The following CISD3 variants were observed in gnomAD, a reference collection of about 807,000 sequenced individuals.
CISD3 encodes CDGSH iron-sulfur domain-containing protein 3, mitochondrial.
In CISD3, 11 loss-of-function variants were observed where a neutral mutation model predicts 14.1. The observed-to-expected ratio is 0.78, with a 90% CI of 0.49 to 1.29. The LOEUF (loss-of-function observed/expected upper bound fraction) is 1.29, where lower values mean the gene tolerates loss of function less well. Ranked by LOEUF, CISD3 falls within the 50% of genes most tolerant of loss-of-function variation. The probability of loss-of-function intolerance (pLI) is 0.00; values close to 1 mark genes in which losing one functional copy is unlikely to be tolerated. For missense variants in CISD3, 156 were observed against 171.6 expected, an observed-to-expected ratio of 0.91 and a Z score of 0.51; for synonymous variants, 53 against 69.2, an observed-to-expected ratio of 0.77 and a Z score of 1.16.
intron 2 of CISD3, chr17:38,731,076 C>T: frequency 1.5e-6 from 1 of 647,952 alleles, no homozygotes; most frequent in South Asian, 2.0e-5. Flanking sequence ...TGGGAGCCAG[C>T]GTTTGAGGGA....
chr17:38,730,679 G>A, intron 1 of CISD3, 81 bp from the exon 2 acceptor site: 3 of 1,420,030 alleles, frequency 2.1e-6, no homozygotes, highest in Admixed American at 2.0e-5. Flanking sequence ...GGCCTCCCGT[G>A]TCCTTCCCTT....
chr17:38,730,934 C>T (rs530375057), intron 2 of CISD3, 139 bp downstream of exon 2: 23 of 941,950 alleles, frequency 2.4e-5, no homozygotes, highest in Non-Finnish European at 2.8e-5. Context: ...GGAGGTGGGG[C>T]GGACCAGAGG....
Position 38,733,487 on chromosome 17 carries a change from T to G in CISD3, c.*32T>G, listed in dbSNP as rs1380161033. Reference sequence around the variant, plus strand: ...TGCTGCTGTCCAGCCACAGGTGGCCTTGGCTCCAGGCCTCTGACAGGCACC... The same window carrying G: ...TGCTGCTGTCCAGCCACAGGTGGCCGTGGCTCCAGGCCTCTGACAGGCACC... On this transcript the variant is annotated 3_prime_UTR_variant, in exon 4 of 4. Coordinates refer to ENST00000613478, the MANE Select transcript of CISD3 (RefSeq NM_001136498.2). 2 of 1,490,390 alleles carry G rather than the reference T, an allele frequency of 1.3e-6. No homozygotes were observed. Among genetic ancestry groups the G allele is most frequent in the Non-Finnish European group, 1.8e-6 (2 of 1,115,652 alleles). 92.3% of individuals were successfully genotyped at this position (1,490,390 alleles called of 1,614,324 possible).
At position 38,734,527 on chromosome 17, in the gene CISD3, GAAAA is replaced by G. The variant is rs5820265; in HGVS notation, c.*1082_*1085del. On this transcript the variant is annotated 3_prime_UTR_variant, in exon 4 of 4. Coordinates refer to ENST00000613478, the MANE Select transcript of CISD3 (RefSeq NM_001136498.2). ...AATGATGCAAAGGCCACACACACAGGAAAAAAAAAAAAAGAGGCAGAACTATCTA... is the reference window on the plus strand; with the variant it reads ...AATGATGCAAAGGCCACACACACAGGAAAAAAAAAGAGGCAGAACTATCTA... The G allele has an allele frequency of 2.1e-5, 3 of 144,278 alleles. No individual in the cohort carries two copies. The highest frequency in any genetic ancestry group is 2.5e-5 in the African/African-American group (1 of 39,230). The allele number at this position is 144,278 out of a possible 1,614,324, so 8.9% of individuals were successfully genotyped here.
At chr17:38,730,633 C>T (rs1253418128) in intron 1 of CISD3, 127 bp from the exon 2 acceptor site, 3 of 974,214 alleles carry the variant, frequency 3.1e-6, no homozygotes, top group Non-Finnish European at 4.8e-6. Flanking sequence ...ATTCCTCCCT[C>T]GCCCCTTCAG....
At chr17:38,730,832 AC>A in intron 2 of CISD3, 37 bp downstream of exon 2, 1 of 1,540,454 alleles carries the variant, frequency 6.5e-7, no homozygotes, top group South Asian at 1.2e-5. Context: ...CTCGCACAAG[AC>A]CCCCAGGCAC....
rs772678561 is a variant in CISD3 at position 38,734,288 on chromosome 17, C to T, written c.*833C>T. The T allele has an allele frequency of 5.5e-4, 84 of 152,692 alleles. No individual in the cohort carries two copies. The highest frequency in any genetic ancestry group is 1.5e-5 in the Non-Finnish European group (1 of 68,200). The allele number at this position is 152,692 out of a possible 1,614,324, so 9.5% of individuals were successfully genotyped here. ...GAGGGGCAATTGGAAGGCTGTTTGCCTCTGGCAAAGTCTGGGATCTGTGCT... is the reference window on the plus strand; with the variant it reads ...GAGGGGCAATTGGAAGGCTGTTTGCTTCTGGCAAAGTCTGGGATCTGTGCT... On this transcript the variant is annotated 3_prime_UTR_variant, in exon 4 of 4. Coordinates refer to ENST00000613478, the MANE Select transcript of CISD3 (RefSeq NM_001136498.2).
Position 38,735,366 on chromosome 17 carries a change from T to C in CISD3, c.*1911T>C, listed in dbSNP as rs775970031. On this transcript the variant is annotated 3_prime_UTR_variant, in exon 4 of 4. Transcript: ENST00000613478. ...GCTGTCGAAGGGGGAGTGGGGGAGG[T>C]AGGGTGGGTGGCTGGAGGCCCATGG... is the stretch of plus-strand genomic sequence containing the variant. 1 of 1,543,508 alleles carries C rather than the reference T, an allele frequency of 6.5e-7. No individual in the cohort carries two copies.
In CISD3 at chr17:38,735,530, G is replaced by T. The variant is rs1172849279; in HGVS notation, c.*2075G>T. On this transcript the variant is annotated 3_prime_UTR_variant, in exon 4 of 4. Transcript: ENST00000613478. Reference sequence around the variant, plus strand: ...GCTGGTGTTGGTGCCCTCGGAGGGGGTGGGCACCGTGGCTAGGGTGAGCCG... The same window carrying T: ...GCTGGTGTTGGTGCCCTCGGAGGGGTTGGGCACCGTGGCTAGGGTGAGCCG... The T allele has an allele frequency of 6.3e-7, 1 of 1,589,328 alleles. No individual in the cohort carries two copies. The highest frequency in any genetic ancestry group is 8.6e-7 in the Non-Finnish European group (1 of 1,167,922).
At chr17:38,731,654 G>A in intron 3 of CISD3, 1 of 591,858 alleles carries the variant, frequency 1.7e-6, no homozygotes, top group South Asian at 2.2e-5. Flanking sequence ...CAGTCACGCA[G>A]CCAGCCTGGT....
chr17:38,730,702 A>T (rs1318402424), intron 1 of CISD3, 58 bp from the exon 2 acceptor site: 2 of 1,533,752 alleles, frequency 1.3e-6, no homozygotes, highest in African/African-American at 2.8e-5. Context: ...CACTGATTTT[A>T]TTTTTCCGTT....
chr17:38,731,026 A>G, intron 2 of CISD3: 3 of 633,650 alleles, frequency 4.7e-6, no homozygotes, highest in African/African-American at 1.8e-5. Flanking sequence ...GCCCTGCCGT[A>G]GGCTGGAAGG....
rs1329545742 is a variant in CISD3, at chr17:38,733,981, A to C, written c.*526A>C. ...GGTACAGTCACAGGACCTCAGACAC[A>C]GGACAAGGTGCAAACACAGACAAGC... is the stretch of plus-strand genomic sequence containing the variant. On this transcript the variant is annotated 3_prime_UTR_variant, in exon 4 of 4. Coordinates refer to ENST00000613478, the MANE Select transcript of CISD3 (RefSeq NM_001136498.2). 2 of 153,576 alleles carry C rather than the reference A, an allele frequency of 1.3e-5. No individual in the cohort carries two copies. The highest frequency in any genetic ancestry group is 3.8e-4 in the East Asian group (2 of 5,214). The allele number at this position is 153,576 out of a possible 1,614,324, so 9.5% of individuals were successfully genotyped here.
Position 38,730,959 on chromosome 17 carries a change from GC to G in CISD3, c.84+166del, listed in dbSNP as rs1906306984. ...CGGACCAGAGGGCACTGGGCAGGGCGCCAGTCTTCTGTACTGAGGACAGCAG... is the reference window on the plus strand; with the variant it reads ...CGGACCAGAGGGCACTGGGCAGGGCGCAGTCTTCTGTACTGAGGACAGCAG... On this transcript the variant is annotated intron_variant, in intron 2 of 3. Coordinates refer to ENST00000613478, the MANE Select transcript of CISD3 (RefSeq NM_001136498.2). 3 of 715,088 alleles carry G rather than the reference GC, an allele frequency of 4.2e-6. No individual in the cohort carries two copies. The South Asian group carries it at 5.4e-5, about 13-fold the overall frequency. The allele number at this position is 715,088 out of a possible 1,614,324, so 44.3% of individuals were successfully genotyped here. A position where few individuals can be genotyped will look rare whatever the true frequency, so the allele number is the denominator to read the frequency against.
At position 38,734,957 on chromosome 17, in the gene CISD3, A is replaced by C; in HGVS notation, c.*1502A>C. On this transcript the variant is annotated 3_prime_UTR_variant, in exon 4 of 4. Transcript: ENST00000613478. The stretch of plus-strand genomic sequence containing the variant: ...GCAAATTACACAAGACCCCCCCCAA[A>C]AAAAATGAACACCATTTTCCACACA... The C allele has an allele frequency of 3.6e-6, 1 of 277,474 alleles. No homozygotes were observed. Among genetic ancestry groups the C allele is most frequent in the African/African-American group, 2.2e-5 (1 of 45,902 alleles). 17.2% of individuals were successfully genotyped at this position (277,474 alleles called of 1,614,324 possible). A position where few individuals can be genotyped will look rare whatever the true frequency, so the allele number is the denominator to read the frequency against.
In CISD3 at chr17:38,733,475, C is replaced by T. The variant is rs1312194224; in HGVS notation, c.*20C>T. The T allele has an allele frequency of 1.3e-6, 2 of 1,498,984 alleles. No homozygotes were observed. The highest frequency in any genetic ancestry group is 5.0e-5 in the East Asian group (2 of 40,336). 92.9% of individuals were successfully genotyped at this position (1,498,984 alleles called of 1,614,324 possible). ...CTCTGAGGGGGCTGCTGCTGTCCAG[C>T]CACAGGTGGCCTTGGCTCCAGGCCT... On this transcript the variant is annotated 3_prime_UTR_variant, in exon 4 of 4. Coordinates refer to ENST00000613478, the MANE Select transcript of CISD3 (RefSeq NM_001136498.2).
At chr17:38,731,490 G>T (rs1906334718) in intron 3 of CISD3, 51 bp downstream of exon 3, 6 of 1,549,460 alleles carry the variant, frequency 3.9e-6, no homozygotes, top group Non-Finnish European at 5.2e-6. Flanking sequence ...GGAACAGCCT[G>T]GTGTCTCCAG....
Position 38,733,722 on chromosome 17 carries a change from C to T in CISD3, c.*267C>T. 4.4e-6 allele frequency: 2 copies of T among 453,282 alleles called. No homozygotes were observed. 28.1% of individuals were successfully genotyped at this position (453,282 alleles called of 1,614,324 possible). ...TAGTCCTGCAGTCACTGCTATGAGG[C>T]CCACGTGCTGCCTCCTGCTCCAGAT... On this transcript the variant is annotated 3_prime_UTR_variant, in exon 4 of 4. Transcript: ENST00000613478.
chr17:38,731,247 G>A, intron 2 of CISD3, 73 bp from the exon 3 acceptor site: 1 of 1,523,882 alleles, frequency 6.6e-7, no homozygotes, highest in South Asian at 1.2e-5. Context: ...TGGGAAACTA[G>A]GAAGGGTCGC....
Sources: allele counts gnomAD v4.1 joint callset, GRCh38; gene constraint gnomAD v4.1.1; transcripts MANE v1.5; gene names NCBI Gene and HGNC (gene_info 2026-07-23, HGNC 2026-07-21).